The following VPS35L variants were observed in gnomAD, a reference collection of about 807,000 sequenced individuals.
VPS35L encodes VPS35 endosomal protein-sorting factor-like.
A neutral mutation model predicts 133.0 loss-of-function variants in VPS35L; 83 were observed. The observed-to-expected ratio is 0.62, with a 90% CI of 0.52 to 0.75. VPS35L has a LOEUF of 0.75. Ranked by LOEUF, VPS35L falls within the 30% of genes least tolerant of loss-of-function variation. The probability of loss-of-function intolerance (pLI) is 0.00; values close to 1 mark genes in which losing one functional copy is unlikely to be tolerated. For synonymous variants in VPS35L, 423 were observed against 449.9 expected (o/e 0.94, Z 0.76); for missense variants, 1,083 against 1,206.8 (o/e 0.90, Z 1.52).
At position 19,628,775 on chromosome 16, in the gene VPS35L, A is replaced by ATTTT. The variant is rs563274730; in HGVS notation, c.1500+24_1500+27dup. ...ACAGGTGAGTGGCCATTTTATTTTT[A>ATTTT]TTTTTATTTATTTATTTATTTATTT... On this transcript the variant is annotated intron_variant, in intron 17 of 30. Transcript: ENST00000417362. 5.3e-6 allele frequency: 5 copies of ATTTT among 951,464 alleles called. No homozygotes were observed. In the East Asian group the frequency reaches 1.3e-4, roughly 25 times the overall value. 58.9% of individuals were successfully genotyped at this position (951,464 alleles called of 1,614,324 possible).
At chr16:19,614,911 G>A (rs547896416) in intron 12 of VPS35L, among the ~76,000 whole-genome samples, 3 of 152,276 alleles carry the variant, frequency 2.0e-5, no homozygotes, top group Admixed American at 2.0e-4. Context: ...GTTACAGTCT[G>A]TTTTTTAACA....
chr16:19,605,143 G>T (rs1412326323), intron 9 of VPS35L, among the ~76,000 whole-genome samples: 1 of 152,064 alleles, frequency 6.6e-6, no homozygotes, highest in Non-Finnish European at 1.5e-5. Flanking sequence ...ACACTGTTAC[G>T]TAAAGAGACC....
intron 13 of VPS35L, 115 bp downstream of exon 13, chr16:19,616,306 G>A (rs553527194): frequency 2.3e-6 from 2 of 861,640 alleles, no homozygotes; most frequent in East Asian, 2.5e-5. Context: ...AAATGTGCAA[G>A]CCCTGGAAAA....
At chr16:19,694,598 T>C (rs773366151) in intron 29 of VPS35L, among the ~76,000 whole-genome samples, 1 of 151,886 alleles carries the variant, frequency 6.6e-6, no homozygotes, top group Non-Finnish European at 1.5e-5. Context: ...CTAGTGATCC[T>C]CCCATGTCAG....
chr16:19,650,009 G>T (rs1974074832), intron 24 of VPS35L, among the ~76,000 whole-genome samples: 1 of 152,176 alleles, frequency 6.6e-6, no homozygotes, highest in Admixed American at 6.5e-5. Flanking sequence ...TGTCTAAATG[G>T]TGTGCTTTGG....
At chr16:19,578,400 G>A (rs77656542) in intron 5 of VPS35L, 27,063 of 420,644 alleles carry the variant, frequency 0.064, 1,102 homozygotes, top group Non-Finnish European at 0.088. Context: ...TAGAACAGAG[G>A]CCCCCTAAAG....
chr16:19,630,294 A>AGTAATTT (rs1373464746), intron 18 of VPS35L, among the ~76,000 whole-genome samples: 3 of 148,232 alleles, frequency 2.0e-5, no homozygotes, highest in African/African-American at 7.4e-5. Context: ...CCCTTGCCAG[A>AGTAATTT]GTAATTTGTT....
intron 29 of VPS35L, among the ~76,000 whole-genome samples, chr16:19,698,793 G>A (rs909018980): frequency 6.6e-6 from 1 of 152,174 alleles, no homozygotes; most frequent in Non-Finnish European, 1.5e-5. Context: ...GGCTTTTCCA[G>A]GGGCCTTCGT....
intron 7 of VPS35L, chr16:19,587,439 G>C (rs1224042170): frequency 2.5e-6 from 1 of 392,318 alleles, no homozygotes. Context: ...AGACCAGCCT[G>C]ACCAACATGG....
chr16:19,576,281 A>C (rs545648697), intron 5 of VPS35L, among the ~76,000 whole-genome samples: 2 of 151,962 alleles, frequency 1.3e-5, no homozygotes, highest in Non-Finnish European at 2.9e-5. Flanking sequence ...TCCCTCACCA[A>C]CTGGGTTTTA....
At chr16:19,680,924 TA>T (rs1204888110) in intron 27 of VPS35L, among the ~76,000 whole-genome samples, 1 of 80,706 alleles carries the variant, frequency 1.2e-5, no homozygotes. Context: ...GCCCCCCCCC[TA>T]AAAAAACAGG....
chr16:19,666,975 C>CCTTTCTTCCTTTCTTTCTTTT (rs1597412835), intron 26 of VPS35L, among the ~76,000 whole-genome samples: 4 of 76,662 alleles, frequency 5.2e-5, no homozygotes, highest in African/African-American at 1.6e-4. Flanking sequence ...TTCCTTTCTT[C>CCTTTCTTCCTTTCTTTCTTTT]CTTTCTTTCT....
At chr16:19,622,163 A>AG (rs1973105655) in intron 14 of VPS35L, among the ~76,000 whole-genome samples, 1 of 79,540 alleles carries the variant, frequency 1.3e-5, no homozygotes, top group African/African-American at 5.2e-5. Context: ...TTTTTTTTTT[A>AG]AGACGGAGTC....
chr16:19,692,859 G>T (rs910660035), intron 29 of VPS35L, among the ~76,000 whole-genome samples: 29 of 152,208 alleles, frequency 1.9e-4, no homozygotes, highest in African/African-American at 6.3e-4. Flanking sequence ...TATTGCGCCC[G>T]GCCAATATAT....
At chr16:19,644,388 G>A (rs1973875185) in intron 22 of VPS35L, among the ~76,000 whole-genome samples, 1 of 152,120 alleles carries the variant, frequency 6.6e-6, no homozygotes, top group East Asian at 1.9e-4. Flanking sequence ...CAACTTTGCT[G>A]TACATTGGAA....
chr16:19,640,711 A>G (rs898998394), intron 21 of VPS35L, among the ~76,000 whole-genome samples: 3 of 152,222 alleles, frequency 2.0e-5, no homozygotes, highest in African/African-American at 7.2e-5. Context: ...CTAGTGGTAC[A>G]TGAAATAATT....
rs755877113 is a variant in VPS35L, at chr16:19,699,614, C to A, written c.2759C>A (p.Ala920Glu). ...NQLSVNLWHLAQRHGCADTRT... is the reference protein window; with the variant it reads ...NQLSVNLWHLEQRHGCADTRT... ...CTCTCCGTCAACCTGTGGCACCTGGCACAGAGGCACGGCTGTGCAGACACC... is the reference window on the plus strand; with the variant it reads ...CTCTCCGTCAACCTGTGGCACCTGGAACAGAGGCACGGCTGTGCAGACACC... Residue 920 changes from alanine (A) to glutamate (E), a missense_variant, in exon 30 of 31, where the codon GCA (alanine) becomes GAA (glutamate). Coordinates refer to ENST00000417362, the MANE Select transcript of VPS35L (RefSeq NM_020314.7). This position sits in a 1 kb window ranked among gnomAD's most constrained non-coding sequence, Gnocchi z 4.2. 6.2e-7 allele frequency: 1 copy of A among 1,614,046 alleles called. No homozygotes were observed. Among genetic ancestry groups the A allele is most frequent in the Non-Finnish European group, 8.5e-7 (1 of 1,180,036 alleles).
At chr16:19,668,022 C>T (rs1974753532) in intron 26 of VPS35L, among the ~76,000 whole-genome samples, 2 of 152,030 alleles carry the variant, frequency 1.3e-5, no homozygotes, top group Admixed American at 1.3e-4. Flanking sequence ...TTTTCCCTCT[C>T]CTTTGAAGAA....
At chr16:19,646,473 C>T (rs1352889516) in intron 23 of VPS35L, among the ~76,000 whole-genome samples, 1 of 151,994 alleles carries the variant, frequency 6.6e-6, no homozygotes, top group Non-Finnish European at 1.5e-5. Flanking sequence ...CGAGACCAGC[C>T]TCACCAACAT....
Sources: allele counts gnomAD v4.1 joint callset (sites outside exome capture counted in the v4.1 genomes callset), GRCh38; gene constraint gnomAD v4.1.1; non-coding constraint Gnocchi (gnomAD v3.1); transcripts MANE v1.5; gene names NCBI Gene and HGNC (gene_info 2026-07-23, HGNC 2026-07-21).